DCDC1: variants seen among roughly 807,000 people sequenced by gnomAD.
DCDC1 encodes the protein doublecortin domain containing 1, also known as doublecortin domain-containing protein 1.
A neutral mutation model predicts 178.3 loss-of-function variants in DCDC1; 200 were observed. That is an observed-to-expected ratio of 1.12 (90% CI 1.00 to 1.26). DCDC1 has a LOEUF of 1.26. Ranked by LOEUF, DCDC1 falls within the 50% of genes most tolerant of loss-of-function variation. The probability of loss-of-function intolerance (pLI) is 0.00; values close to 1 mark genes in which losing one functional copy is unlikely to be tolerated. For synonymous variants in DCDC1, 690 were observed against 604.8 expected, an observed-to-expected ratio of 1.14 and a Z score of -2.07; for missense variants, 1,983 against 1,749.2, an observed-to-expected ratio of 1.13 and a Z score of -2.38.
intron 9 of DCDC1, among the ~76,000 whole-genome samples, chr11:31,152,498 TAA>T (rs1965272635): frequency 6.6e-6 from 1 of 152,202 alleles, no homozygotes; most frequent in Non-Finnish European, 1.5e-5. Context: ...AGATAACAAG[TAA>T]ATTCTAGGAG....
intron 31 of DCDC1, chr11:30,903,926 G>A (rs1944887447): frequency 1.9e-5 from 6 of 317,536 alleles, no homozygotes. Flanking sequence ...AATTTAACAT[G>A]GCAGCTGACA....
intron 1 of DCDC1, among the ~76,000 whole-genome samples, chr11:31,365,318 A>G (rs1951905136): frequency 1.3e-5 from 2 of 152,150 alleles, no homozygotes; most frequent in Admixed American, 6.5e-5. Flanking sequence ...AAGTTGCTCT[A>G]GAGACAATCA....
chr11:31,307,800 C>T lies in DCDC1; in HGVS notation c.273G>A (p.Gly91=), dbSNP rs1304111491. ...RLVHSAAVSE[G]SGLQDCSTHQ... is the part of the protein sequence containing the mutation. ...GTGTGGAGCAATCTTGAAGTCCTGA[C>T]CCTTCTGATACTGCTGCTGAATGCA... Residue 91 remains glycine, a synonymous_variant, in exon 4 of 39, where the codon GGG becomes GGA. Coordinates refer to ENST00000684477, the MANE Select transcript of DCDC1 (RefSeq NM_001387274.1). 4 of 1,613,956 alleles carry T rather than the reference C, an allele frequency of 2.5e-6. No homozygotes were observed. The highest frequency in any genetic ancestry group is 1.3e-5 in the African/African-American group (1 of 74,910).
intron 12 of DCDC1, among the ~76,000 whole-genome samples, chr11:31,109,377 T>A (rs2135789328): frequency 6.6e-6 from 1 of 152,082 alleles, no homozygotes; most frequent in South Asian, 2.1e-4. Flanking sequence ...AGGTGAAAAA[T>A]CCTATGAAGG....
In DCDC1 at chr11:31,347,751, A is replaced by C. The variant is rs1312778991; in HGVS notation, c.-124-12187T>G. ...TCAGGTGGCCAAGATAGAAGGTGCC[A>C]GGGGTCAAAGGCACATACTTGATAA... On this transcript the variant is annotated intron_variant, in intron 1 of 38. Transcript: ENST00000684477. 2.0e-5 allele frequency among the ~76,000 whole-genome samples: 3 copies of C among 152,292 alleles called. No homozygotes were observed. The East Asian group carries it at 5.8e-4, about 29-fold the overall frequency.
At position 30,986,334 on chromosome 11, in the gene DCDC1, C is replaced by CT. The variant is rs201419551; in HGVS notation, c.2592-33767dup. On this transcript the variant is annotated intron_variant, in intron 20 of 38. Transcript: ENST00000684477. ...TAATGACTTCCACATTTTTCTCTCT[C>CT]TCTTTTTTTTTTTTTTTGAGATGGA... Among the ~76,000 whole-genome samples the CT allele has an allele frequency of 1.6e-3, 225 of 142,784 alleles. 3 individuals carry two copies. The highest frequency in any genetic ancestry group is 7.1e-3 in the Middle Eastern group (2 of 280). The allele number at this position is 142,784 out of a possible 152,430, so 93.7% of individuals were successfully genotyped here. A position where few individuals can be genotyped will look rare whatever the true frequency, so the allele number is the denominator to read the frequency against.
At chr11:30,888,092 G>GAAAGAAAGAA (rs1943391334) in intron 36 of DCDC1, among the ~76,000 whole-genome samples, 1 of 104,880 alleles carries the variant, frequency 9.5e-6, no homozygotes, top group Non-Finnish European at 2.0e-5. Context: ...GAGAAAGAAA[G>GAAAGAAAGAA]AAAGAAAAAG....
At chr11:31,347,634 G>A (rs1343121177) in intron 1 of DCDC1, among the ~76,000 whole-genome samples, 1 of 152,162 alleles carries the variant, frequency 6.6e-6, no homozygotes, top group Non-Finnish European at 1.5e-5. Context: ...TATGTATCCT[G>A]CGTTACATGC....
In DCDC1 at chr11:30,925,422, C is replaced by T. The variant is rs572016349; in HGVS notation, c.2898-14G>A. 1 of 1,610,990 alleles carries T rather than the reference C, an allele frequency of 6.2e-7. No homozygotes were observed. On this transcript the variant is annotated splice_polypyrimidine_tract_variant and intron_variant, in intron 22 of 38. Coordinates refer to ENST00000684477, the MANE Select transcript of DCDC1 (RefSeq NM_001387274.1). Reference sequence around the variant, plus strand: ...ATCTCAGTGCACCTGTAATAAAAGACACAAAAATTGACCTTGCATACAGAA... The same window carrying T: ...ATCTCAGTGCACCTGTAATAAAAGATACAAAAATTGACCTTGCATACAGAA...
At chr11:31,205,329 A>T (rs1471658052) in intron 9 of DCDC1, among the ~76,000 whole-genome samples, 1 of 152,202 alleles carries the variant, frequency 6.6e-6, no homozygotes, top group Non-Finnish European at 1.5e-5. Flanking sequence ...ATTACTATCC[A>T]AGCCTTTCCA....
chr11:31,088,454 C>G (rs980032794), intron 17 of DCDC1, among the ~76,000 whole-genome samples: 4 of 151,612 alleles, frequency 2.6e-5, no homozygotes, highest in Admixed American at 6.6e-5. Context: ...GGCTTGTTAG[C>G]TATAACTCTC....
At chr11:31,151,907 G>C (rs1346177501) in intron 9 of DCDC1, among the ~76,000 whole-genome samples, 2 of 152,048 alleles carry the variant, frequency 1.3e-5, no homozygotes, top group Non-Finnish European at 2.9e-5. Context: ...TGCACAGCCT[G>C]GTGACCGTAG....
In DCDC1 at chr11:30,947,662, T is replaced by C. The variant is rs991108934; in HGVS notation, c.2715+4783A>G. Among the ~76,000 whole-genome samples, 4 of 152,100 alleles carry C rather than the reference T, an allele frequency of 2.6e-5. No homozygotes were observed. In the East Asian group the frequency reaches 7.7e-4, roughly 29 times the overall value. On this transcript the variant is annotated intron_variant, in intron 21 of 38. Transcript: ENST00000684477. ...CAGCACAAGAATAGTCTGGGAAGAA[T>C]TTCTTGAGTAACAGCACAAAAGCAC...
intron 1 of DCDC1, among the ~76,000 whole-genome samples, chr11:31,337,873 C>A (rs2133186241): frequency 6.6e-6 from 1 of 152,248 alleles, no homozygotes; most frequent in Non-Finnish European, 1.5e-5. Flanking sequence ...TAGCTATAGA[C>A]TGGAAGTCTA....
intron 21 of DCDC1, among the ~76,000 whole-genome samples, chr11:30,949,218 A>G (rs1387917464): frequency 6.6e-6 from 1 of 152,274 alleles, no homozygotes; most frequent in Non-Finnish European, 1.5e-5. Flanking sequence ...ACTTCTCAAA[A>G]GAAGACAATT....
At chr11:31,015,698 C>T (rs1328228124) in intron 20 of DCDC1, among the ~76,000 whole-genome samples, 1 of 151,398 alleles carries the variant, frequency 6.6e-6, no homozygotes, top group East Asian at 1.9e-4. Context: ...ATGAAGACAT[C>T]CTTAATACGC....
At chr11:31,213,108 T>TCC (rs1972877985) in intron 9 of DCDC1, among the ~76,000 whole-genome samples, 1 of 26,380 alleles carries the variant, frequency 3.8e-5, no homozygotes, top group Non-Finnish European at 1.1e-4. Flanking sequence ...AGCCTCTCTC[T>TCC]CTCTCTCTCT....
At chr11:31,222,458 C>T (rs1974382330) in intron 9 of DCDC1, among the ~76,000 whole-genome samples, 1 of 152,158 alleles carries the variant, frequency 6.6e-6, no homozygotes, top group Admixed American at 6.6e-5. Flanking sequence ...CAAAACTCTT[C>T]CAGTCTGTAC....
intron 9 of DCDC1, among the ~76,000 whole-genome samples, chr11:31,181,574 A>AG (rs1968802280): frequency 6.6e-6 from 1 of 152,236 alleles, no homozygotes; most frequent in African/African-American, 2.4e-5. Context: ...CCAGGCAAAC[A>AG]GGGTCTGGAG....
Sources: gnomAD v4.1 joint callset for allele counts (sites outside exome capture counted in the v4.1 genomes callset) on GRCh38, gnomAD v4.1.1 for gene constraint, MANE v1.5 for transcripts, NCBI Gene and HGNC (gene_info 2026-07-23, HGNC 2026-07-21) for gene names.